The following RNLS variants were observed in gnomAD, a reference collection of about 807,000 sequenced individuals.
The protein encoded by RNLS is renalase, FAD dependent amine oxidase.
Under a neutral mutation model 39.8 loss-of-function variants are expected in RNLS, and 39 were observed. The ratio of observed to expected loss-of-function variants is 0.98; its 90% CI spans 0.76 to 1.28. RNLS has a LOEUF of 1.28. Ranked by LOEUF, RNLS falls within the 50% of genes most tolerant of loss-of-function variation. RNLS has a pLI of 0.00. For synonymous variants in RNLS, 147 were observed against 150.7 expected, an observed-to-expected ratio of 0.98 and a Z score of 0.18; for missense variants, 410 against 413.3, an observed-to-expected ratio of 0.99 and a Z score of 0.07.
intron 4 of RNLS, among the ~76,000 whole-genome samples, chr10:88,535,034 T>C (rs1056127267): frequency 6.6e-6 from 1 of 152,254 alleles, no homozygotes; most frequent in East Asian, 1.9e-4. Context: ...ATATTGTTCA[T>C]GGGTTTTTAA....
chr10:88,562,803 TAAC>T (rs977024419), intron 4 of RNLS, among the ~76,000 whole-genome samples: 22 of 152,078 alleles, frequency 1.4e-4, no homozygotes, highest in African/African-American at 5.1e-4. Flanking sequence ...ACGGAAAAGA[TAAC>T]AACACAGCAG....
chr10:88,255,802 A>C, the RNLS span, among the ~76,000 whole-genome samples: 1 of 152,242 alleles, frequency 6.6e-6, no homozygotes, highest in South Asian at 2.1e-4. Context: ...TTGCTTCAGC[A>C]GAGAGTTTTT....
At chr10:88,195,289 G>T in the RNLS span, among the ~76,000 whole-genome samples, 6 of 152,196 alleles carry the variant, frequency 3.9e-5, no homozygotes, top group South Asian at 4.1e-4. Flanking sequence ...ATTTGGGTCT[G>T]TCTTTTTATA....
intron 4 of RNLS, among the ~76,000 whole-genome samples, chr10:88,372,290 C>A (rs1850625716): frequency 6.6e-6 from 1 of 152,058 alleles, no homozygotes; most frequent in African/African-American, 2.4e-5. Flanking sequence ...CTGCTGATTC[C>A]CTATCTTTTT....
chr10:88,321,164 G>T (rs1177304270), intron 5 of RNLS, among the ~76,000 whole-genome samples: 1 of 151,968 alleles, frequency 6.6e-6, no homozygotes, highest in Non-Finnish European at 1.5e-5. Flanking sequence ...AACCACATAA[G>T]AACATGGAAA....
At chr10:88,340,494 G>A (rs567703999) in intron 5 of RNLS, among the ~76,000 whole-genome samples, 1 of 151,614 alleles carries the variant, frequency 6.6e-6, no homozygotes, top group East Asian at 1.9e-4. Context: ...CTCTTTAAAA[G>A]AAGGTACATT....
the RNLS span, among the ~76,000 whole-genome samples, chr10:88,182,783 C>G: frequency 6.6e-6 from 1 of 151,950 alleles, no homozygotes; most frequent in South Asian, 2.1e-4. Context: ...GTAATTTCAT[C>G]AACAGTGAAG....
chr10:88,190,988 C>T, the RNLS span, among the ~76,000 whole-genome samples: 1 of 152,198 alleles, frequency 6.6e-6, no homozygotes, highest in Admixed American at 6.5e-5. Context: ...CTGCCTGGCT[C>T]AACTCAGGGA....
chr10:88,413,712 T>C (rs542845205), intron 4 of RNLS, among the ~76,000 whole-genome samples: 104 of 152,356 alleles, frequency 6.8e-4, no homozygotes, highest in Non-Finnish European at 1.3e-3. Context: ...ATATCTTCAG[T>C]GGTTCTTTGG....
At chr10:88,524,115 G>A (rs1846930614) in intron 4 of RNLS, among the ~76,000 whole-genome samples, 1 of 151,196 alleles carries the variant, frequency 6.6e-6, no homozygotes, top group Admixed American at 6.6e-5. Flanking sequence ...CCTTAAAACT[G>A]ATTATATTAA....
intron 4 of RNLS, among the ~76,000 whole-genome samples, chr10:88,422,062 A>C (rs1366704777): frequency 6.6e-6 from 1 of 152,130 alleles, no homozygotes; most frequent in Non-Finnish European, 1.5e-5. Flanking sequence ...CAACACTTCT[A>C]CTGTCCTAGC....
the RNLS span, among the ~76,000 whole-genome samples, chr10:88,178,475 AG>A: frequency 1.3e-5 from 2 of 152,070 alleles, no homozygotes; most frequent in East Asian, 3.9e-4. Flanking sequence ...TTATGATTGT[AG>A]GTATCTGTGG....
intron 4 of RNLS, among the ~76,000 whole-genome samples, chr10:88,451,606 C>A (rs924744905): frequency 2.0e-5 from 3 of 152,138 alleles, no homozygotes; most frequent in Non-Finnish European, 4.4e-5. Flanking sequence ...CCCACAATAT[C>A]TTCAATAAAA....
chr10:88,297,800 G>T lies in RNLS; in HGVS notation c.877-12294C>A, dbSNP rs535502859. On this transcript the variant is annotated intron_variant, in intron 6 of 6. Transcript: ENST00000331772. The stretch of plus-strand genomic sequence containing the variant: ...AAAGTGTGTTGTTGTGAACATTTGT[G>T]TATGCAGTTTTGTTTGAACACATGC... Among the ~76,000 whole-genome samples the T allele has an allele frequency of 2.0e-5, 3 of 152,246 alleles. No homozygotes were observed. In the East Asian group the frequency reaches 5.8e-4, roughly 29 times the overall value.
intron 4 of RNLS, among the ~76,000 whole-genome samples, chr10:88,365,258 G>GT (rs35495924): frequency 0.33 from 50,022 of 151,684 alleles, 8,797 homozygotes; most frequent in African/African-American, 0.46. Context: ...AGGCTTAAAA[G>GT]TTTTTTATTC....
intron 6 of RNLS, among the ~76,000 whole-genome samples, chr10:88,291,087 G>A (rs1049495906): frequency 6.6e-6 from 1 of 152,168 alleles, no homozygotes; most frequent in Non-Finnish European, 1.5e-5. Context: ...GTATACTGAT[G>A]GAGTGGCATC....
At chr10:88,220,545 A>C in the RNLS span, among the ~76,000 whole-genome samples, 1 of 152,180 alleles carries the variant, frequency 6.6e-6, no homozygotes, top group Admixed American at 6.5e-5. Context: ...GAGCCTAACA[A>C]GTTTACGTAA....
chr10:88,525,629 C>T (rs1847063637), intron 4 of RNLS, among the ~76,000 whole-genome samples: 1 of 151,930 alleles, frequency 6.6e-6, no homozygotes, highest in African/African-American at 2.4e-5. Context: ...CTCATATCTT[C>T]CAGACCACAG....
At chr10:88,206,458 AAAG>A in the RNLS span, among the ~76,000 whole-genome samples, 3 of 152,174 alleles carry the variant, frequency 2.0e-5, no homozygotes, top group African/African-American at 4.8e-5. Flanking sequence ...GCTGATATTA[AAAG>A]AAGAACATTT....
Sources: allele counts gnomAD v4.1 joint callset (sites outside exome capture counted in the v4.1 genomes callset), GRCh38; gene constraint gnomAD v4.1.1; transcripts MANE v1.5; gene names NCBI Gene and HGNC (gene_info 2026-07-23, HGNC 2026-07-21).